The following MEGF6 variants were observed in gnomAD, a reference collection of about 807,000 sequenced individuals.
MEGF6 encodes the protein multiple epidermal growth factor-like domains protein 6.
In MEGF6, 184 loss-of-function variants were observed where a neutral mutation model predicts 207.1. The ratio of observed to expected loss-of-function variants is 0.89; its 90% CI spans 0.79 to 1.00. The LOEUF is 1.00. Among genes scored for constraint, MEGF6 ranks in the 50% least tolerant of loss-of-function variants. The pLI is 0.00. For synonymous variants in MEGF6, 1,038 were observed against 910.0 expected, an observed-to-expected ratio of 1.14 and a Z score of -2.53; for missense variants, 2,282 against 2,202.9, an observed-to-expected ratio of 1.04 and a Z score of -0.72.
At chr1:3,541,296 C>T (rs1052065873) in intron 4 of MEGF6, among the ~76,000 whole-genome samples, 1 of 152,210 alleles carries the variant, frequency 6.6e-6, no homozygotes, top group African/African-American at 2.4e-5. Context: ...AGGCTTTCGG[C>T]CACCATGACC....
upstream of MEGF6, among the ~76,000 whole-genome samples, chr1:3,616,506 C>T (rs1644380846): frequency 6.6e-6 from 1 of 152,190 alleles, no homozygotes; most frequent in African/African-American, 2.4e-5. Context: ...TGTGAGATGA[C>T]CACAAAATCC....
intron 4 of MEGF6, among the ~76,000 whole-genome samples, chr1:3,528,355 C>A (rs746000405): frequency 6.6e-6 from 1 of 152,218 alleles, no homozygotes; most frequent in Non-Finnish European, 1.5e-5. Context: ...TATTCCCAGA[C>A]GGCTCCAAGG....
At chr1:3,608,397 C>G (rs1466760841) in intron 1 of MEGF6, among the ~76,000 whole-genome samples, 4 of 152,184 alleles carry the variant, frequency 2.6e-5, no homozygotes. Flanking sequence ...CTTCTACACC[C>G]TGGGGTCGGG....
intron 26 of MEGF6, 94 bp downstream of exon 26, chr1:3,498,277 C>T: frequency 6.9e-7 from 1 of 1,444,088 alleles, no homozygotes; most frequent in Non-Finnish European, 9.2e-7. Context: ...TGGTGAGGCC[C>T]CAAACCGGGC....
chr1:3,542,933 C>A (rs1269605484), intron 4 of MEGF6, among the ~76,000 whole-genome samples: 1 of 152,212 alleles, frequency 6.6e-6, no homozygotes, highest in Admixed American at 6.5e-5. Context: ...CTCCCCAGGG[C>A]CTGCCAGCTC....
intron 4 of MEGF6, among the ~76,000 whole-genome samples, chr1:3,552,737 TGAG>T (rs1461901525): frequency 5.9e-5 from 9 of 152,102 alleles, no homozygotes; most frequent in Admixed American, 5.9e-4. Flanking sequence ...CCCTTGGAAA[TGAG>T]GAGGCCACAG....
chr1:3,573,011 G>GTGCTGGGTTCTCCTGGGTA lies in MEGF6; in HGVS notation c.481+6795_481+6813dup. Among the ~76,000 whole-genome samples the GTGCTGGGTTCTCCTGGGTA allele has an allele frequency of 6.8e-6, 1 of 148,012 alleles. No individual in the cohort carries two copies. The highest frequency in any genetic ancestry group is 1.5e-5 in the Non-Finnish European group (1 of 67,058). On this transcript the variant is annotated intron_variant, in intron 4 of 36. Transcript: ENST00000356575. This position sits in a 1 kb window ranked among gnomAD's most constrained non-coding sequence, Gnocchi z 5.1. Reference sequence around the variant, plus strand: ...TGGGTGTGCTGGGTCTTTCCTGGGTGTGCTGGGTTCTCCTGGGTATGCTGA... The same window carrying GTGCTGGGTTCTCCTGGGTA: ...TGGGTGTGCTGGGTCTTTCCTGGGTGTGCTGGGTTCTCCTGGGTATGCTGGGTTCTCCTGGGTATGCTGA...
rs11585362 is a variant in MEGF6 at position 3,512,044 on chromosome 1, G to A, written c.938C>T (p.Ala313Val). 0.16 allele frequency: 258,768 copies of A among 1,612,554 alleles called. 23,645 individuals carry two copies. Among genetic ancestry groups the A allele is most frequent in the East Asian group, 0.39 (17,448 of 44,868 alleles). ...GCCATCGGCGCCCAGCTCATAGCCCGCGTGACACACGCACTTGAAGGACCC... is the reference window on the plus strand; with the variant it reads ...GCCATCGGCGCCCAGCTCATAGCCCACGTGACACACGCACTTGAAGGACCC... The part of the protein sequence containing the change: ...TQGSFKCVCH[A>V]GYELGADGRQ... Residue 313 changes from alanine to valine, a missense_variant, in exon 8 of 37, where the codon GCG (alanine) becomes GTG (valine). Ala to Val is a moderately conservative substitution (Grantham distance 64). Coordinates refer to ENST00000356575, the MANE Select transcript of MEGF6 (RefSeq NM_001409.4).
intron 4 of MEGF6, among the ~76,000 whole-genome samples, chr1:3,562,366 CTCTT>C (rs1643228891): frequency 6.6e-6 from 1 of 152,216 alleles, no homozygotes; most frequent in South Asian, 2.1e-4. Context: ...CTCTCCATCT[CTCTT>C]TGTGTCTCCC....
At chr1:3,504,859 G>T (rs1252888919) in intron 17 of MEGF6, among the ~76,000 whole-genome samples, 1 of 152,162 alleles carries the variant, frequency 6.6e-6, no homozygotes, top group Non-Finnish European at 1.5e-5. Flanking sequence ...GGGAGCTGCT[G>T]CCCCGGCCTC....
chr1:3,516,768 T>G (rs1264469922), intron 5 of MEGF6, among the ~76,000 whole-genome samples: 1 of 152,198 alleles, frequency 6.6e-6, no homozygotes. Flanking sequence ...AAACCCACCG[T>G]GCTCGCCGTA....
Position 3,506,155 on chromosome 1 carries a change from C to G in MEGF6, c.1871G>C (p.Gly624Ala). 1 of 1,598,100 alleles carries G rather than the reference C, an allele frequency of 6.3e-7. No homozygotes were observed. Among genetic ancestry groups the G allele is most frequent in the Non-Finnish European group, 8.5e-7 (1 of 1,172,998 alleles). The change falls in exon 15 of 37, where the codon GGG becomes GCG. Residue 624 changes from glycine to alanine, a missense_variant. Transcript: ENST00000356575. ...ANRGRCHRLY[G>A]ACLCDPGLYG... ...GAGCCCTGGGTCGCAGAGGCAGGCC[C>G]CGTAGAGGCGGTGGCACCGGCCCCG...
intron 5 of MEGF6, 140 bp from the exon 6 acceptor site, chr1:3,515,667 C>T: frequency 9.8e-7 from 1 of 1,025,334 alleles, no homozygotes; most frequent in Non-Finnish European, 1.4e-6. Context: ...AGCCCCTCCG[C>T]CTTTTCATCT....
chr1:3,510,622 A>G (rs1641306658), intron 10 of MEGF6, among the ~76,000 whole-genome samples, 161 bp downstream of exon 10: 1 of 151,644 alleles, frequency 6.6e-6, no homozygotes, highest in African/African-American at 2.4e-5. Context: ...ACAGCCCTGC[A>G]CACAGCAGGC....
At chr1:3,524,047 G>A in intron 5 of MEGF6, 77 bp downstream of exon 5, 1 of 1,514,380 alleles carries the variant, frequency 6.6e-7, no homozygotes, top group Non-Finnish European at 8.9e-7. Context: ...ACCCTCTCAG[G>A]CCAGGCCTGG....
rs746639150 is a variant in MEGF6 at position 3,508,691 on chromosome 1, T to G, written c.1529-2A>C. The G allele has an allele frequency of 1.2e-6, 2 of 1,612,882 alleles. No individual in the cohort carries two copies. The highest frequency in any genetic ancestry group is 2.2e-5 in the East Asian group (1 of 44,872). Reference sequence around the variant, plus strand: ...GGCCAAAGGAGTCATCCAGGCAGACTGGGGGCAGACCAGGATGGGGGGATT... The same window carrying G: ...GGCCAAAGGAGTCATCCAGGCAGACGGGGGGCAGACCAGGATGGGGGGATT... On this transcript the variant is annotated splice_acceptor_variant, in intron 12 of 36. Coordinates refer to ENST00000356575, the MANE Select transcript of MEGF6 (RefSeq NM_001409.4). LOFTEE classifies it high-confidence loss of function.
At chr1:3,502,937 T>C (rs1227912920) in intron 17 of MEGF6, among the ~76,000 whole-genome samples, 1 of 152,158 alleles carries the variant, frequency 6.6e-6, no homozygotes, top group African/African-American at 2.4e-5. Context: ...TGCCTGCTGC[T>C]GGAACTAAAC....
chr1:3,533,386 C>T (rs919061892), intron 4 of MEGF6, among the ~76,000 whole-genome samples: 4 of 152,242 alleles, frequency 2.6e-5, no homozygotes, highest in African/African-American at 7.2e-5. Flanking sequence ...CTAAATCGCA[C>T]GGATAGACAG....
chr1:3,494,457 C>T lies in MEGF6; in HGVS notation c.4043G>A (p.Cys1348Tyr). The T allele has an allele frequency of 6.4e-7, 1 of 1,571,738 alleles. No individual in the cohort carries two copies. The highest frequency in any genetic ancestry group is 8.6e-7 in the Non-Finnish European group (1 of 1,164,056). The change falls in exon 32 of 37, where the codon TGC (cysteine) becomes TAC (tyrosine). Residue 1348 changes from cysteine (C) to tyrosine (Y), a missense_variant. Transcript: ENST00000356575. Reference sequence around the variant, plus strand: ...ACACGTGCTGTTGTTGTGGCAGGAGCACTCCAGATGGCAGGCGGCTCCGTA... The same window carrying T: ...ACACGTGCTGTTGTTGTGGCAGGAGTACTCCAGATGGCAGGCGGCTCCGTA... The part of the protein sequence containing the change: ...GRYGAACHLE[C>Y]SCHNNSTCEP...
Sources: allele counts gnomAD v4.1 joint callset (sites outside exome capture counted in the v4.1 genomes callset), GRCh38; gene constraint gnomAD v4.1.1; non-coding constraint Gnocchi (gnomAD v3.1); transcripts MANE v1.5; gene names NCBI Gene and HGNC (gene_info 2026-07-23, HGNC 2026-07-21).